Variants in OLFM1 observed in about 807,000 individuals in gnomAD.
OLFM1 encodes noelin.
A neutral mutation model predicts 49.7 loss-of-function variants in OLFM1; 9 were observed. The observed-to-expected ratio is 0.18, with a 90% CI of 0.11 to 0.32. The LOEUF is 0.32. Among genes scored for constraint, OLFM1 ranks in the 10% least tolerant of loss-of-function variants. The probability of loss-of-function intolerance (pLI) is 1.00; values close to 1 mark genes in which losing one functional copy is unlikely to be tolerated. For missense variants in OLFM1, 369 were observed against 661.8 expected, an observed-to-expected ratio of 0.56 and a Z score of 4.85; for synonymous variants, 240 against 271.8, an observed-to-expected ratio of 0.88 and a Z score of 1.15.
chr9:135,075,971 G>C, intron 1 of OLFM1: 2 of 1,423,974 alleles, frequency 1.4e-6, no homozygotes, highest in Non-Finnish European at 1.8e-6. Context: ...CTGGACCTGG[G>C]TGGGAGGGAG....
intron 5 of OLFM1, among the ~76,000 whole-genome samples, chr9:135,116,471 G>A (rs1048976363): frequency 6.6e-6 from 1 of 152,144 alleles, no homozygotes; most frequent in Non-Finnish European, 1.5e-5. Context: ...TGATGCTGGT[G>A]TATCCCCCTT....
upstream of OLFM1, among the ~76,000 whole-genome samples, chr9:135,083,003 C>T (rs1830551370): frequency 6.6e-6 from 1 of 152,234 alleles, no homozygotes; most frequent in Non-Finnish European, 1.5e-5. Context: ...GCATTTTCCA[C>T]ATTCCCAGCT....
At chr9:135,099,261 G>A (rs1173046830) in intron 4 of OLFM1, among the ~76,000 whole-genome samples, 1 of 151,728 alleles carries the variant, frequency 6.6e-6, no homozygotes, top group Non-Finnish European at 1.5e-5. Flanking sequence ...AGCTGTTTTT[G>A]TTTTTTGTTT....
chr9:135,078,219 T>C (rs1362626765), intron 1 of OLFM1, among the ~76,000 whole-genome samples: 1 of 152,200 alleles, frequency 6.6e-6, no homozygotes, highest in African/African-American at 2.4e-5. Context: ...AGCTGCCTGG[T>C]GTCTGCCTCC....
chr9:135,113,095 G>A lies in OLFM1; in HGVS notation c.783+6240G>A, dbSNP rs942538969. 6.6e-6 allele frequency among the ~76,000 whole-genome samples: 1 copy of A among 152,176 alleles called. No homozygotes were observed. Among genetic ancestry groups the A allele is most frequent in the African/African-American group, 2.4e-5 (1 of 41,432 alleles). On this transcript the variant is annotated intron_variant, in intron 5 of 5. Transcript: ENST00000371793. The surrounding 1 kb of genome is among the most constrained non-coding windows in gnomAD (Gnocchi z 4.0). ...CGCTTCCTAATGCACAGAGCATGTG[G>A]CAGCTGGCACAGCTGGCCATGTGAC...
intron 3 of OLFM1, among the ~76,000 whole-genome samples, chr9:135,097,268 C>G (rs939876588): frequency 1.3e-5 from 2 of 152,146 alleles, no homozygotes; most frequent in Admixed American, 6.5e-5. Context: ...CAGGCCCAAT[C>G]CTGTTGAGGT....
intron 5 of OLFM1, among the ~76,000 whole-genome samples, chr9:135,114,123 CTTTTTTTTTTT>C (rs138372395): frequency 5.3e-5 from 4 of 75,812 alleles, no homozygotes; most frequent in African/African-American, 1.0e-4. Context: ...TCTTGAGATT[CTTTTTTTTTTT>C]TTTTTTTTTT....
rs762322356 is a variant in OLFM1 at position 135,096,038 on chromosome 9, C to G, written c.456+19C>G. 3.0e-6 allele frequency: 4 copies of G among 1,331,078 alleles called. No homozygotes were observed. The highest frequency in any genetic ancestry group is 2.4e-5 in the Admixed American group (1 of 41,156). The allele number at this position is 1,331,078 out of a possible 1,614,324, so 82.5% of individuals were successfully genotyped here. On this transcript the variant is annotated intron_variant, in intron 3 of 5. Transcript: ENST00000371793. ...GTTTAAGGTATGCATGTTCCTCCCC[C>G]TCTCCCTCCCCTTATCCTCCTCCTC...
intron 1 of OLFM1, among the ~76,000 whole-genome samples, chr9:135,076,655 G>A (rs571508190): frequency 6.6e-6 from 1 of 152,188 alleles, no homozygotes; most frequent in East Asian, 1.9e-4. Flanking sequence ...ACATTAAAAT[G>A]CCCTTTCAAT....
intron 4 of OLFM1, among the ~76,000 whole-genome samples, chr9:135,100,691 C>G (rs1239750670): frequency 6.6e-6 from 1 of 152,166 alleles, no homozygotes; most frequent in African/African-American, 2.4e-5. Context: ...CTGTGCGACT[C>G]CCCCAAGGCA....
chr9:135,119,421 G>T (rs1209836235), intron 5 of OLFM1, 83 bp from the exon 6 acceptor site: 8 of 1,193,576 alleles, frequency 6.7e-6, no homozygotes, highest in Middle Eastern at 2.0e-4. Context: ...GTACTCACTG[G>T]ATCTTTGGAA....
intron 5 of OLFM1, among the ~76,000 whole-genome samples, chr9:135,107,824 G>A (rs985319396): frequency 5.9e-5 from 9 of 152,190 alleles, no homozygotes; most frequent in African/African-American, 2.2e-4. Context: ...TATCTGGAGC[G>A]GGTTTGAAGG....
intron 2 of OLFM1, among the ~76,000 whole-genome samples, chr9:135,091,897 TCA>T (rs56288353): frequency 7.5e-5 from 11 of 147,220 alleles, no homozygotes; most frequent in South Asian, 2.2e-4. Flanking sequence ...TCACACATAG[TCA>T]CACACACACA....
rs1473427371 is a variant in OLFM1 at position 135,088,197 on chromosome 9, C to T, written c.150+58C>T. 5.6e-6 allele frequency: 7 copies of T among 1,245,814 alleles called. No individual in the cohort carries two copies. The East Asian group carries it at 1.3e-4, about 24-fold the overall frequency. The allele number at this position is 1,245,814 out of a possible 1,614,324, so 77.2% of individuals were successfully genotyped here. A position where few individuals can be genotyped will look rare whatever the true frequency, so the allele number is the denominator to read the frequency against. On this transcript the variant is annotated intron_variant, in intron 1 of 5. Coordinates refer to ENST00000371793, the MANE Select transcript of OLFM1 (RefSeq NM_001282611.2). This position sits in a 1 kb window ranked among gnomAD's most constrained non-coding sequence, Gnocchi z 4.8. ...TCCTCCTCCTCCTCCTCCTCCCCCT[C>T]CTCGGTCCGGAGCCCCGGGCTGGGC...
At chr9:135,112,655 G>A (rs918780214) in intron 5 of OLFM1, among the ~76,000 whole-genome samples, 2 of 152,216 alleles carry the variant, frequency 1.3e-5, no homozygotes, top group Admixed American at 1.3e-4. Flanking sequence ...TCCGCACAGG[G>A]CCACTCTTGG....
rs528834258 is a variant in OLFM1, at chr9:135,079,277, A to T, written c.96+3475A>T. ...CAGCTCTGGAGAAGGAGGATATTTG[A>T]TCTGGGTCCAGGCTTGCACCTGGGT... is the stretch of plus-strand genomic sequence containing the variant. On this transcript the variant is annotated intron_variant, in intron 1 of 5. Transcript: ENST00000252854. Among the ~76,000 whole-genome samples the T allele has an allele frequency of 3.9e-5, 6 of 152,250 alleles. No homozygotes were observed. In the South Asian group the frequency reaches 1.2e-3, roughly 32 times the overall value.
In OLFM1 at chr9:135,119,966, A is replaced by G; in HGVS notation, c.1246A>G (p.Asn416Asp). Residue 416 changes from asparagine (N) to aspartate (D), a missense_variant, in exon 6 of 6, where the codon AAC (asparagine) becomes GAC (aspartate). Around this residue, in one of 3 missense-constraint regions of OLFM1, gnomAD observed 294 missense variants for 567.5 expected, o/e 0.52. Transcript: ENST00000371793. ...FIICGTLYVT[N>D]GYSGGTKVHY... ...CATCTGCGGCACGCTGTACGTCACC[A>G]ACGGCTACTCAGGGGGTACCAAGGT... The G allele has an allele frequency of 6.2e-7, 1 of 1,613,676 alleles. No individual in the cohort carries two copies. The highest frequency in any genetic ancestry group is 1.1e-5 in the South Asian group (1 of 91,076).
chr9:135,097,644 A>T, intron 3 of OLFM1: 2 of 776,084 alleles, frequency 2.6e-6, no homozygotes, highest in Non-Finnish European at 4.6e-6. Context: ...CTCTTAAAGC[A>T]GTTTGTTTTG....
chr9:135,091,632 T>TAGTCACACACAC (rs1350495585), intron 2 of OLFM1, among the ~76,000 whole-genome samples: 1 of 11,452 alleles, frequency 8.7e-5, no homozygotes, highest in Non-Finnish European at 1.8e-4. Context: ...CACACTCACA[T>TAGTCACACACAC]AGTCACACAC....
Sources: allele counts gnomAD v4.1 joint callset (sites outside exome capture counted in the v4.1 genomes callset), GRCh38; gene constraint gnomAD v4.1.1; regional missense constraint gnomAD v4.1.1; non-coding constraint Gnocchi (gnomAD v3.1); transcripts MANE v1.5; gene names NCBI Gene and HGNC (gene_info 2026-07-23, HGNC 2026-07-21).